Variants in GPC1 observed in about 807,000 individuals in gnomAD.
The protein encoded by GPC1 is glypican 1.
Under a neutral mutation model 51.5 loss-of-function variants are expected in GPC1, and 26 were observed. The ratio of observed to expected loss-of-function variants is 0.50; its 90% CI spans 0.37 to 0.70. The LOEUF is 0.70. GPC1 is among the 30% of genes least tolerant of loss of function. GPC1 has a pLI of 0.00. For missense variants in GPC1, 775 were observed against 800.5 expected (o/e 0.97, Z 0.38); for synonymous variants, 380 against 348.3 (o/e 1.09, Z -1.01).
chr2:240,466,393 CAG>C lies in GPC1; in HGVS notation c.*104_*105del. ...CAGCCTGGAGAGGCCTGGGGTGGGA[CAG>C]GGAGGGCCGGCGGCTCTGAGCAGGG... On this transcript the variant is annotated 3_prime_UTR_variant, in exon 9 of 9. Transcript: ENST00000264039. 2 of 698,188 alleles carry C rather than the reference CAG, an allele frequency of 2.9e-6. No homozygotes were observed. The highest frequency in any genetic ancestry group is 5.4e-5 in the East Asian group (2 of 36,830). 43.2% of individuals were successfully genotyped at this position (698,188 alleles called of 1,614,324 possible). A position where few individuals can be genotyped will look rare whatever the true frequency, so the allele number is the denominator to read the frequency against.
chr2:240,446,157 G>C (rs150484571), intron 1 of GPC1, among the ~76,000 whole-genome samples: 90 of 152,386 alleles, frequency 5.9e-4, no homozygotes, highest in Middle Eastern at 3.4e-3. Flanking sequence ...CTGCGCCCAG[G>C]AGGGCCCACG....
At chr2:240,464,509 T>C (rs1410974925) in intron 4 of GPC1, 107 bp from the exon 5 acceptor site, 1 of 1,405,000 alleles carries the variant, frequency 7.1e-7, no homozygotes, top group Non-Finnish European at 1.0e-6. Flanking sequence ...TGACCCGTGC[T>C]GTCAAGACTG....
chr2:240,453,029 G>A, intron 1 of GPC1: 1 of 345,496 alleles, frequency 2.9e-6, no homozygotes, highest in Non-Finnish European at 5.7e-6. Context: ...AGGGGGTCCC[G>A]CGTCCGCCGC....
chr2:240,458,888 C>T, intron 1 of GPC1, 142 bp from the exon 2 acceptor site: 1 of 686,314 alleles, frequency 1.5e-6, no homozygotes, highest in South Asian at 1.9e-5. Context: ...TCTGCCTTCA[C>T]CCAGGGCACC....
chr2:240,439,517 G>A lies in GPC1; in HGVS notation c.166+3433G>A, dbSNP rs542571396. Among the ~76,000 whole-genome samples, 6 of 152,342 alleles carry A rather than the reference G, an allele frequency of 3.9e-5. No homozygotes were observed. The South Asian group carries it at 1.2e-3, about 32-fold the overall frequency. On this transcript the variant is annotated intron_variant, in intron 1 of 8. Transcript: ENST00000264039. ...CGGGCACCAGCGTGCCCTGGAGCCT[G>A]TACCAAGCACCCACTCGTTGGGCCC...
chr2:240,452,897 C>A, intron 1 of GPC1: 1 of 265,224 alleles, frequency 3.8e-6, no homozygotes, highest in Non-Finnish European at 7.6e-6. Flanking sequence ...CCCTCGTCCC[C>A]CGCTGGCTTT....
intron 1 of GPC1, among the ~76,000 whole-genome samples, chr2:240,447,372 C>T (rs930279802): frequency 2.6e-5 from 4 of 152,314 alleles, no homozygotes; most frequent in African/African-American, 7.2e-5. Flanking sequence ...ACAGTCATTT[C>T]GGAAGGTCAG....
In GPC1 at chr2:240,449,874, T is replaced by G. The variant is rs535924545; in HGVS notation, c.167-9156T>G. ...AGGTTCCTCCACGCCGGAGCATGTG[T>G]CAGAATTTCTTCCTTTTCACGGATT... On this transcript the variant is annotated intron_variant, in intron 1 of 8. Coordinates refer to ENST00000264039, the MANE Select transcript of GPC1 (RefSeq NM_002081.3). The G allele has an allele frequency of 1.3e-5, 6 of 470,848 alleles. No homozygotes were observed. In the Admixed American group the frequency reaches 1.4e-4, roughly 11 times the overall value. 29.2% of individuals were successfully genotyped at this position (470,848 alleles called of 1,614,324 possible).
chr2:240,464,609 G>A lies in GPC1; in HGVS notation c.884-7G>A, dbSNP rs138617441. The A allele has an allele frequency of 1.8e-4, 295 of 1,610,238 alleles. No individual in the cohort carries two copies. The African/African-American group carries it at 3.7e-3, about 20-fold the overall frequency. On this transcript the variant is annotated splice_polypyrimidine_tract_variant and splice_region_variant and intron_variant, in intron 4 of 8. Transcript: ENST00000264039. ...CCTGTGTGTCCGCGTGTTAACGCCT[G>A]TCCTAGACTCCATGGTGCTCATCAC...
At chr2:240,439,969 C>G (rs2074007593) in intron 1 of GPC1, among the ~76,000 whole-genome samples, 1 of 152,240 alleles carries the variant, frequency 6.6e-6, no homozygotes, top group African/African-American at 2.4e-5. Flanking sequence ...CCAAGCCTCC[C>G]ATGCCAGGCA....
At chr2:240,451,228 C>T (rs754952905) in intron 1 of GPC1, 4 of 471,078 alleles carry the variant, frequency 8.5e-6, no homozygotes, top group African/African-American at 6.0e-5. Flanking sequence ...GTATGTGTGT[C>T]TCTGCCTGGT....
intron 4 of GPC1, chr2:240,464,369 CCT>C: frequency 1.9e-6 from 1 of 516,466 alleles, no homozygotes; most frequent in South Asian, 2.1e-5. Flanking sequence ...TGCAGAATGG[CCT>C]CTGTGTATGT....
At chr2:240,450,703 C>T in intron 1 of GPC1, 1 of 468,674 alleles carries the variant, frequency 2.1e-6, no homozygotes, top group South Asian at 1.6e-5. Context: ...GGCTCGTGGG[C>T]CATGCTGGCA....
Position 240,464,947 on chromosome 2 carries a change from G to A in GPC1, c.1106G>A (p.Arg369Lys), listed in dbSNP as rs987705421. 3.2e-6 allele frequency: 5 copies of A among 1,552,366 alleles called. No individual in the cohort carries two copies. The highest frequency in any genetic ancestry group is 2.4e-5 in the East Asian group (1 of 41,236). ...CGGGGCAAGCTGGCCCCGCGGGAGA[G>A]GCCACCTTCAGGCACGCTGGAGAAG... ...RRRGKLAPRE[R>K]PPSGTLEKLV... The change falls in exon 6 of 9, where the codon AGG becomes AAG. Residue 369 changes from arginine to lysine, a missense_variant. Arg to Lys is a conservative substitution (Grantham distance 26). Coordinates refer to ENST00000264039, the MANE Select transcript of GPC1 (RefSeq NM_002081.3).
chr2:240,455,670 G>C (rs1029891669), intron 1 of GPC1, among the ~76,000 whole-genome samples: 4 of 152,178 alleles, frequency 2.6e-5, no homozygotes, highest in African/African-American at 9.7e-5. Context: ...CCCTGGGTGG[G>C]GAGATTTAAG....
chr2:240,441,475 G>A (rs554479796), intron 1 of GPC1, among the ~76,000 whole-genome samples: 2 of 152,386 alleles, frequency 1.3e-5, no homozygotes, highest in East Asian at 1.9e-4. Flanking sequence ...GACTGGACCC[G>A]TGGTGGAGGC....
Position 240,435,736 on chromosome 2 carries a change from G to C in GPC1, c.-183G>C, listed in dbSNP as rs2073978566. Reference sequence around the variant, plus strand: ...AGCGTTCGGACCTCGCACCCCGCGCGCCCCGCGCCGCCGCCGCCGCCGGCT... The same window carrying C: ...AGCGTTCGGACCTCGCACCCCGCGCCCCCCGCGCCGCCGCCGCCGCCGGCT... On this transcript the variant is annotated 5_prime_UTR_variant, in exon 1 of 9. Coordinates refer to ENST00000264039, the MANE Select transcript of GPC1 (RefSeq NM_002081.3). 1 of 280,732 alleles carries C rather than the reference G, an allele frequency of 3.6e-6. No individual in the cohort carries two copies. Among genetic ancestry groups the C allele is most frequent in the Non-Finnish European group, 6.4e-6 (1 of 157,212 alleles). 17.4% of individuals were successfully genotyped at this position (280,732 alleles called of 1,614,324 possible).
At position 240,465,088 on chromosome 2, in the gene GPC1, C is replaced by G. The variant is rs2151797339; in HGVS notation, c.1146C>G (p.Ala382=). 1 of 1,607,744 alleles carries G rather than the reference C, an allele frequency of 6.2e-7. No individual in the cohort carries two copies. Among genetic ancestry groups the G allele is most frequent in the Non-Finnish European group, 8.5e-7 (1 of 1,177,900 alleles). Residue 382 remains alanine (A), a synonymous_variant, in exon 7 of 9, where the codon GCC becomes GCG. Coordinates refer to ENST00000264039, the MANE Select transcript of GPC1 (RefSeq NM_002081.3). Reference sequence around the variant, plus strand: ...CTGCTGCCCCACAGGTCTCCGAAGCCAAGGCCCAGCTCCGCGACGTCCAGG... The same window carrying G: ...CTGCTGCCCCACAGGTCTCCGAAGCGAAGGCCCAGCTCCGCGACGTCCAGG... The part of the protein sequence containing the change: ...SGTLEKLVSE[A]KAQLRDVQDF...
intron 1 of GPC1, among the ~76,000 whole-genome samples, chr2:240,437,210 C>T (rs974885856): frequency 6.6e-6 from 1 of 152,128 alleles, no homozygotes; most frequent in Non-Finnish European, 1.5e-5. Context: ...CAAGAAGGAT[C>T]CGTGCATCTG....
Sources: allele counts gnomAD v4.1 joint callset (sites outside exome capture counted in the v4.1 genomes callset), GRCh38; gene constraint gnomAD v4.1.1; transcripts MANE v1.5; gene names NCBI Gene and HGNC (gene_info 2026-07-23, HGNC 2026-07-21).